NME7: variants seen among roughly 807,000 people sequenced by gnomAD.
NME7 encodes the protein NME/NM23 family member 7, also known as nucleoside diphosphate kinase 7.
A neutral mutation model predicts 49.1 loss-of-function variants in NME7; 41 were observed. The observed-to-expected ratio is 0.83, with a 90% CI of 0.65 to 1.08. The LOEUF (loss-of-function observed/expected upper bound fraction) is 1.08. Among genes scored for constraint, NME7 ranks in the 50% least tolerant of loss-of-function variants. NME7 has a pLI of 0.00. For synonymous variants in NME7, 139 were observed against 150.6 expected (o/e 0.92, Z 0.56); for missense variants, 423 against 463.4 (o/e 0.91, Z 0.80).
intron 1 of NME7, among the ~76,000 whole-genome samples, chr1:169,337,019 G>C (rs1557828418): frequency 6.6e-6 from 1 of 152,268 alleles, no homozygotes; most frequent in African/African-American, 2.4e-5. Context: ...TCACCCAGTG[G>C]ATCCCGCACC....
intron 10 of NME7, among the ~76,000 whole-genome samples, chr1:169,202,337 GCACCCC>G (rs1660574499): frequency 6.6e-6 from 1 of 152,058 alleles, no homozygotes; most frequent in Non-Finnish European, 1.5e-5. Flanking sequence ...ACAGTGTATG[GCACCCC>G]CCTCCCCACC....
intron 6 of NME7, among the ~76,000 whole-genome samples, chr1:169,296,675 G>A (rs1035540330): frequency 6.6e-6 from 1 of 152,008 alleles, no homozygotes; most frequent in Non-Finnish European, 1.5e-5. Flanking sequence ...GTTAACTCCT[G>A]ATTGTCCATT....
intron 7 of NME7, among the ~76,000 whole-genome samples, chr1:169,242,336 G>T (rs542070545): frequency 2.6e-5 from 4 of 151,736 alleles, no homozygotes; most frequent in Non-Finnish European, 4.4e-5. Context: ...ATATATATCT[G>T]CATATATTGA....
At position 169,310,056 on chromosome 1, in the gene NME7, A is replaced by G. The variant is rs1260440931; in HGVS notation, c.303T>C (p.Asp101=). Residue 101 remains aspartate (D), a synonymous_variant, in exon 4 of 12, where the codon GAT becomes GAC. Coordinates refer to ENST00000367811, the MANE Select transcript of NME7 (RefSeq NM_013330.5). ...TTATTTCTCCAGCCTTTGATATTGCATCTGGTTTAATTAGGGCTAGCGTTC... is the reference window on the plus strand; with the variant it reads ...TTATTTCTCCAGCCTTTGATATTGCGTCTGGTTTAATTAGGGCTAGCGTTC... ...KEKTLALIKP[D]AISKAGEIIE... 6 of 1,606,894 alleles carry G rather than the reference A, an allele frequency of 3.7e-6. No individual in the cohort carries two copies. In the Admixed American group the frequency reaches 8.4e-5, roughly 23 times the overall value.
chr1:169,253,052 T>C (rs1417990607), intron 7 of NME7, among the ~76,000 whole-genome samples: 1 of 151,760 alleles, frequency 6.6e-6, no homozygotes. Flanking sequence ...CGGGCTCTTT[T>C]TTGGTTCCAT....
At chr1:169,162,484 GAAGAT>G (rs1474503711) in intron 11 of NME7, among the ~76,000 whole-genome samples, 4 of 151,978 alleles carry the variant, frequency 2.6e-5, no homozygotes, top group Non-Finnish European at 1.5e-5. Flanking sequence ...TAAGCTCTGT[GAAGAT>G]AAGAGCCACA....
At chr1:169,169,721 C>T (rs567217650) in intron 10 of NME7, among the ~76,000 whole-genome samples, 167 bp from the exon 11 acceptor site, 85 of 152,176 alleles carry the variant, frequency 5.6e-4, no homozygotes, top group Non-Finnish European at 1.1e-3. Context: ...TCATCTACAT[C>T]GGGGAAAAAT....
chr1:169,317,254 C>G (rs1260267222), intron 3 of NME7, among the ~76,000 whole-genome samples: 1 of 152,184 alleles, frequency 6.6e-6, no homozygotes, highest in Non-Finnish European at 1.5e-5. Flanking sequence ...AAAGATGGCT[C>G]AAGCTGGAGC....
rs768606556 is a variant in NME7 at position 169,132,764 on chromosome 1, ACTT to A, written c.*18_*20del. The A allele has an allele frequency of 3.7e-6, 6 of 1,609,870 alleles. No homozygotes were observed. The highest frequency in any genetic ancestry group is 5.1e-6 in the Non-Finnish European group (6 of 1,177,062). On this transcript the variant is annotated 3_prime_UTR_variant, in exon 12 of 12. Coordinates refer to ENST00000367811, the MANE Select transcript of NME7 (RefSeq NM_013330.5). Reference sequence around the variant, plus strand: ...TCTTGTCTAAATGTCCCAACCTGTGACTTCTTTACTTTCCACACCACTAATTAT... The same window carrying A: ...TCTTGTCTAAATGTCCCAACCTGTGACTTTACTTTCCACACCACTAATTAT...
intron 11 of NME7, among the ~76,000 whole-genome samples, chr1:169,150,763 G>GAAAAAAAAAAAAAAAAAAAA (rs10689301): frequency 1.6e-5 from 2 of 124,334 alleles, no homozygotes; most frequent in Non-Finnish European, 1.7e-5. Flanking sequence ...GCTGGAAAAG[G>GAAAAAAAAAAAAAAAAAAAA]AAAAAAAAAA....
At chr1:169,303,028 T>G in intron 5 of NME7, 117 bp downstream of exon 5, 1 of 596,656 alleles carries the variant, frequency 1.7e-6, no homozygotes. Context: ...AGTTGCAAGA[T>G]GTTGCTATGG....
chr1:169,230,558 T>C (rs1000953019), intron 10 of NME7, among the ~76,000 whole-genome samples, 160 bp downstream of exon 10: 3 of 152,344 alleles, frequency 2.0e-5, no homozygotes, highest in South Asian at 2.1e-4. Context: ...TGGAATGTTA[T>C]GTAAAAATAA....
rs757317205 is a variant in NME7, at chr1:169,367,757, A to G, written c.-47T>C. Reference sequence around the variant, plus strand: ...GAAAATAGGTATCGTTGAGACAGGAAGACACCACCACCACCACCATCATAC... The same window carrying G: ...GAAAATAGGTATCGTTGAGACAGGAGGACACCACCACCACCACCATCATAC... On this transcript the variant is annotated 5_prime_UTR_variant, in exon 1 of 12. Coordinates refer to ENST00000367811, the MANE Select transcript of NME7 (RefSeq NM_013330.5). The G allele has an allele frequency of 2.5e-6, 4 of 1,612,504 alleles. No homozygotes were observed. In the South Asian group the frequency reaches 4.4e-5, roughly 18 times the overall value.
chr1:169,140,614 G>T (rs1480638315), intron 11 of NME7, among the ~76,000 whole-genome samples: 2 of 151,676 alleles, frequency 1.3e-5, no homozygotes, highest in Non-Finnish European at 2.9e-5. Flanking sequence ...TCTCAGTTAT[G>T]AATGCCAAGC....
chr1:169,325,218 T>C (rs548432665), intron 1 of NME7, among the ~76,000 whole-genome samples: 45 of 152,110 alleles, frequency 3.0e-4, no homozygotes, highest in Admixed American at 5.2e-4. Flanking sequence ...CATCCCACAT[T>C]GCTACACCCT....
chr1:169,324,866 T>C (rs1237765389), intron 1 of NME7, among the ~76,000 whole-genome samples: 1 of 152,204 alleles, frequency 6.6e-6, no homozygotes, highest in African/African-American at 2.4e-5. Flanking sequence ...TAAACTAATA[T>C]AAGAATAAAT....
chr1:169,148,501 A>G (rs567690344), intron 11 of NME7, among the ~76,000 whole-genome samples: 1 of 152,300 alleles, frequency 6.6e-6, no homozygotes, highest in East Asian at 1.9e-4. Context: ...AGTAGCTGTA[A>G]TATTTTATGA....
rs941362170 is a variant in NME7, at chr1:169,268,069, A to C, written c.754+19234T>G. ...AGAGGTCTAACATCCAGAATCTATG[A>C]GGAACTTAAACAAATTTACAGGAAA... On this transcript the variant is annotated intron_variant, in intron 7 of 11. Coordinates refer to ENST00000367811, the MANE Select transcript of NME7 (RefSeq NM_013330.5). Among the ~76,000 whole-genome samples the C allele has an allele frequency of 4.5e-5, 6 of 133,946 alleles. 1 individual carries two copies. Among genetic ancestry groups the C allele is most frequent in the African/African-American group, 1.5e-4 (6 of 39,672 alleles). 87.9% of individuals were successfully genotyped at this position (133,946 alleles called of 152,430 possible). A position where few individuals can be genotyped will look rare whatever the true frequency, so the allele number is the denominator to read the frequency against.
chr1:169,355,051 T>C (rs1653353968), intron 1 of NME7, among the ~76,000 whole-genome samples: 1 of 76,196 alleles, frequency 1.3e-5, no homozygotes, highest in Non-Finnish European at 2.3e-5. Context: ...AGATATAATA[T>C]ATAATATACT....
Sources: gnomAD v4.1 joint callset for allele counts (sites outside exome capture counted in the v4.1 genomes callset) on GRCh38, gnomAD v4.1.1 for gene constraint, MANE v1.5 for transcripts, NCBI Gene and HGNC (gene_info 2026-07-23, HGNC 2026-07-21) for gene names.